Variants in SLC24A2 observed in about 807,000 individuals in gnomAD.
SLC24A2 encodes solute carrier family 24 member 2.
Under a neutral mutation model 62.0 loss-of-function variants are expected in SLC24A2, and 36 were observed. That is an observed-to-expected ratio of 0.58 (90% confidence interval 0.44 to 0.77). The LOEUF (loss-of-function observed/expected upper bound fraction) is 0.77. Among genes scored for constraint, SLC24A2 ranks in the 30% least tolerant of loss-of-function variants. The pLI, the probability that SLC24A2 is intolerant of heterozygous loss-of-function variation, is 0.00. For synonymous variants in SLC24A2, 358 were observed against 294.0 expected (o/e 1.22, Z -2.23); for missense variants, 846 against 817.9 (o/e 1.03, Z -0.42).
chr9:20,290,512 G>C, the SLC24A2 span, among the ~76,000 whole-genome samples: 1 of 152,230 alleles, frequency 6.6e-6, no homozygotes, highest in African/African-American at 2.4e-5. Flanking sequence ...GGTCTGTAGA[G>C]GCATGTGTGA....
At position 19,564,415 on chromosome 9, in the gene SLC24A2, C is replaced by T. The variant is rs111466009; in HGVS notation, c.1347+8936G>A. ...TGGAGAAATAAGTCAGAGCTGAATT[C>T]CTAAGAAGAGAAAGAGCTTAATATG... On this transcript the variant is annotated intron_variant, in intron 7 of 10. Coordinates refer to ENST00000341998, the MANE Select transcript of SLC24A2 (RefSeq NM_020344.4). Among the ~76,000 whole-genome samples, 1,134 of 152,172 alleles carry T rather than the reference C, an allele frequency of 7.5e-3. 5 individuals are homozygous for T. The highest frequency in any genetic ancestry group is 0.011 in the Non-Finnish European group (733 of 67,994).
the SLC24A2 span, among the ~76,000 whole-genome samples, chr9:19,985,687 T>C: frequency 1.3e-5 from 2 of 152,174 alleles, no homozygotes; most frequent in African/African-American, 2.4e-5. Flanking sequence ...TTTGTCAAAA[T>C]GTGTCAAATC....
the SLC24A2 span, among the ~76,000 whole-genome samples, chr9:19,864,553 T>C: frequency 6.6e-6 from 1 of 152,080 alleles, no homozygotes; most frequent in Non-Finnish European, 1.5e-5. Flanking sequence ...AATCAATTAA[T>C]GTGATACATG....
the SLC24A2 span, among the ~76,000 whole-genome samples, chr9:20,147,990 A>ATAT: frequency 1.3e-5 from 2 of 152,088 alleles, no homozygotes; most frequent in African/African-American, 4.8e-5. Flanking sequence ...TGTCATTGAC[A>ATAT]TATTATCACT....
the SLC24A2 span, among the ~76,000 whole-genome samples, chr9:19,954,652 A>G: frequency 6.6e-6 from 1 of 151,978 alleles, no homozygotes; most frequent in African/African-American, 2.4e-5. Context: ...ATACTGAAAC[A>G]TTTCCCTCAA....
At chr9:20,240,373 T>A in the SLC24A2 span, among the ~76,000 whole-genome samples, 2 of 152,036 alleles carry the variant, frequency 1.3e-5, no homozygotes, top group Middle Eastern at 3.4e-3. Flanking sequence ...TAAGGCTAAG[T>A]GCTGAGTGTT....
chr9:19,932,013 T>C, the SLC24A2 span, among the ~76,000 whole-genome samples: 1 of 152,178 alleles, frequency 6.6e-6, no homozygotes, highest in East Asian at 1.9e-4. Context: ...TCATCCATTA[T>C]GCATCAGCCA....
chr9:20,005,723 T>C, the SLC24A2 span, among the ~76,000 whole-genome samples: 1 of 151,896 alleles, frequency 6.6e-6, no homozygotes, highest in Non-Finnish European at 1.5e-5. Flanking sequence ...AGAAAAATAA[T>C]TTTACATTGT....
the SLC24A2 span, among the ~76,000 whole-genome samples, chr9:20,152,379 C>G: frequency 6.6e-6 from 1 of 151,888 alleles, no homozygotes; most frequent in Admixed American, 6.6e-5. Context: ...TGGACTTTTC[C>G]TTTTCCTGGA....
chr9:19,695,633 T>C (rs1468989137), intron 2 of SLC24A2, among the ~76,000 whole-genome samples: 1 of 124,562 alleles, frequency 8.0e-6, no homozygotes, highest in Non-Finnish European at 1.6e-5. Context: ...TACATGTCAC[T>C]AGGAGAGATG....
the SLC24A2 span, among the ~76,000 whole-genome samples, chr9:20,184,121 G>T: frequency 6.6e-6 from 1 of 152,114 alleles, no homozygotes; most frequent in South Asian, 2.1e-4. Flanking sequence ...TGAATAGACA[G>T]TTCTCAAAAG....
the SLC24A2 span, among the ~76,000 whole-genome samples, chr9:19,961,198 T>C: frequency 3.3e-5 from 5 of 151,764 alleles, no homozygotes; most frequent in Admixed American, 2.6e-4. Context: ...CTGCACGTTG[T>C]GCACACGTAC....
At chr9:20,039,623 C>T in the SLC24A2 span, among the ~76,000 whole-genome samples, 3 of 152,126 alleles carry the variant, frequency 2.0e-5, no homozygotes, top group African/African-American at 4.8e-5. Context: ...GACATGTTTC[C>T]ACTCCCCAGG....
At chr9:19,709,286 AAC>A (rs1820637018) in intron 2 of SLC24A2, among the ~76,000 whole-genome samples, 1 of 152,012 alleles carries the variant, frequency 6.6e-6, no homozygotes, top group Non-Finnish European at 1.5e-5. Flanking sequence ...GAGAAATAGG[AAC>A]ACTTTCACAC....
At chr9:20,003,018 G>A in the SLC24A2 span, among the ~76,000 whole-genome samples, 1 of 152,132 alleles carries the variant, frequency 6.6e-6, no homozygotes, top group African/African-American at 2.4e-5. Context: ...TTTCGAAAAG[G>A]GGACCTGTAC....
chr9:20,291,606 G>A, the SLC24A2 span, among the ~76,000 whole-genome samples: 1 of 152,284 alleles, frequency 6.6e-6, no homozygotes, highest in East Asian at 1.9e-4. Flanking sequence ...TCACCCTTAT[G>A]ATGACCCCCC....
chr9:19,681,712 T>C (rs1587143842), intron 2 of SLC24A2, among the ~76,000 whole-genome samples: 1 of 152,226 alleles, frequency 6.6e-6, no homozygotes, highest in South Asian at 2.1e-4. Flanking sequence ...TCCATAAAAA[T>C]AAAGCAGTGG....
the SLC24A2 span, among the ~76,000 whole-genome samples, chr9:20,196,180 T>C: frequency 2.6e-5 from 4 of 152,202 alleles, no homozygotes; most frequent in East Asian, 3.8e-4. Flanking sequence ...TATTTGACAA[T>C]ATGTATAAAA....
At chr9:19,573,818 G>C (rs1426012559) in intron 6 of SLC24A2, among the ~76,000 whole-genome samples, 3 of 152,000 alleles carry the variant, frequency 2.0e-5, no homozygotes, top group African/African-American at 7.3e-5. Context: ...CTTGAGCCTA[G>C]GCAAATTTAC....
Sources: gnomAD v4.1 joint callset for allele counts (sites outside exome capture counted in the v4.1 genomes callset) on GRCh38, gnomAD v4.1.1 for gene constraint, MANE v1.5 for transcripts, NCBI Gene and HGNC (gene_info 2026-07-23, HGNC 2026-07-21) for gene names.